Variants in FEM1B observed in about 807,000 individuals in gnomAD.
FEM1B encodes fem-1 homolog B.
A neutral mutation model predicts 38.6 loss-of-function variants in FEM1B; 10 were observed. That is an observed-to-expected ratio of 0.26 (90% CI 0.16 to 0.44). The LOEUF is 0.44. Ranked by LOEUF, FEM1B falls within the 20% of genes least tolerant of loss-of-function variation. The pLI is 1.00. For synonymous variants in FEM1B, 288 were observed against 288.0 expected, an observed-to-expected ratio of 1.00 and a Z score of 0.00; for missense variants, 471 against 786.7, an observed-to-expected ratio of 0.60 and a Z score of 4.80.
At chr15:68,285,902 CTTTCTT>C (rs1474199774) in intron 1 of FEM1B, among the ~76,000 whole-genome samples, 6 of 147,616 alleles carry the variant, frequency 4.1e-5, no homozygotes. Context: ...CCAATAAATA[CTTTCTT>C]TTTCTTTAAC....
Position 68,290,311 on chromosome 15 carries a change from G to A in FEM1B, c.953G>A (p.Arg318Gln), listed in dbSNP as rs776781660. 2.0e-5 allele frequency: 33 copies of A among 1,613,966 alleles called. No individual in the cohort carries two copies. In the East Asian group the frequency reaches 2.9e-4, roughly 14 times the overall value. ...CRNPQELESI[R>Q]QDRDALHMEG... ...AATCCTCAGGAACTGGAGTCCATTCGGCAAGACAGAGATGCTCTTCATATG... is the reference window on the plus strand; with the variant it reads ...AATCCTCAGGAACTGGAGTCCATTCAGCAAGACAGAGATGCTCTTCATATG... The change falls in exon 2 of 2, where the codon CGG becomes CAG. Residue 318 changes from arginine to glutamine, a missense_variant. Arg to Gln is a conservative substitution (Grantham distance 43). Coordinates refer to ENST00000306917, the MANE Select transcript of FEM1B (RefSeq NM_015322.5). The surrounding 1 kb of genome is among the most constrained non-coding windows in gnomAD (Gnocchi z 9.7).
At chr15:68,286,756 AAAT>A (rs1892792306) in intron 1 of FEM1B, among the ~76,000 whole-genome samples, 1 of 152,192 alleles carries the variant, frequency 6.6e-6, no homozygotes, top group South Asian at 2.1e-4. Flanking sequence ...GACAATAAAT[AAAT>A]GTTTATTGAA....
Position 68,278,678 on chromosome 15 carries a change from C to T in FEM1B, c.248+13C>T, listed in dbSNP as rs1892690671. On this transcript the variant is annotated intron_variant, in intron 1 of 1. Transcript: ENST00000306917. This position sits in a 1 kb window ranked among gnomAD's most constrained non-coding sequence, Gnocchi z 5.7. ...TCCGCTTCGACGGGTAGGTACATCC[C>T]AAGCCAGCCTCTCTCCGACGCGCGC... is the stretch of plus-strand genomic sequence containing the variant. The T allele has an allele frequency of 6.2e-7, 1 of 1,611,408 alleles. No homozygotes were observed. Among genetic ancestry groups the T allele is most frequent in the African/African-American group, 1.3e-5 (1 of 74,872 alleles).
rs1892877220 is a variant in FEM1B at position 68,294,111 on chromosome 15, A to G, written c.*2869A>G. The G allele has an allele frequency of 6.6e-6, 1 of 152,226 alleles. No individual in the cohort carries two copies. The highest frequency in any genetic ancestry group is 2.4e-5 in the African/African-American group (1 of 41,466). 9.4% of individuals were successfully genotyped at this position (152,226 alleles called of 1,614,324 possible). The stretch of plus-strand genomic sequence containing the variant: ...TTGATAGAGTTGGCAAAATTGAACT[A>G]TGAAGTTAACTATTTAACTCAAGGA... On this transcript the variant is annotated 3_prime_UTR_variant, in exon 2 of 2. Coordinates refer to ENST00000306917, the MANE Select transcript of FEM1B (RefSeq NM_015322.5). This position sits in a 1 kb window ranked among gnomAD's most constrained non-coding sequence, Gnocchi z 4.4.
Position 68,289,557 on chromosome 15 carries a change from T to G in FEM1B, c.249-50T>G, listed in dbSNP as rs112190675. The G allele has an allele frequency of 2.2e-6, 3 of 1,383,828 alleles. No individual in the cohort carries two copies. In the African/African-American group the frequency reaches 4.3e-5, roughly 20 times the overall value. The allele number at this position is 1,383,828 out of a possible 1,614,324, so 85.7% of individuals were successfully genotyped here. On this transcript the variant is annotated intron_variant, in intron 1 of 1. Transcript: ENST00000306917. This position sits in a 1 kb window ranked among gnomAD's most constrained non-coding sequence, Gnocchi z 6.9. ...GGAGTGAATACATCCCTTAAACATA[T>G]GTTAGGCTGTGGCCTCTGTTATCTA...
rs984307765 is a variant in FEM1B at position 68,284,811 on chromosome 15, G to A, written c.249-4796G>A. 7.9e-5 allele frequency among the ~76,000 whole-genome samples: 12 copies of A among 152,188 alleles called. No individual in the cohort carries two copies. The highest frequency in any genetic ancestry group is 2.9e-4 in the African/African-American group (12 of 41,442). On this transcript the variant is annotated intron_variant, in intron 1 of 1. Transcript: ENST00000306917. The surrounding 1 kb of genome is among the most constrained non-coding windows in gnomAD (Gnocchi z 4.4). ...GGAGGCAACTGAATCATGGAAGCAG[G>A]TCTTTCCCGTGCTGTTCTCTTGATA...
chr15:68,283,676 A>G (rs1374493574), intron 1 of FEM1B, among the ~76,000 whole-genome samples: 1 of 152,058 alleles, frequency 6.6e-6, no homozygotes, highest in Non-Finnish European at 1.5e-5. Context: ...CTGTTTCAAA[A>G]CAAAACAAAA....
chr15:68,278,083 TC>T lies in FEM1B; in HGVS notation c.-332del. The T allele has an allele frequency of 3.9e-6, 1 of 255,106 alleles. No homozygotes were observed. Among genetic ancestry groups the T allele is most frequent in the Middle Eastern group, 1.3e-3 (1 of 786 alleles). 15.8% of individuals were successfully genotyped at this position (255,106 alleles called of 1,614,324 possible). ...GTAGCTCGGGCACGCGCCTGTCGCA[TC>T]CCGCAGGAAGGAGGGGTCCGGCCTG... On this transcript the variant is annotated 5_prime_UTR_variant, in exon 1 of 2. Transcript: ENST00000306917. This position sits in a 1 kb window ranked among gnomAD's most constrained non-coding sequence, Gnocchi z 5.7.
In FEM1B at chr15:68,278,173, G is replaced by C. The variant is rs1892682087; in HGVS notation, c.-245G>C. The C allele has an allele frequency of 2.1e-6, 1 of 465,632 alleles. No individual in the cohort carries two copies. 28.8% of individuals were successfully genotyped at this position (465,632 alleles called of 1,614,324 possible). Reference sequence around the variant, plus strand: ...CCAGGGCCGGCGCCTGGGACCTGGCGGGCGGCCCTGACCGCCTTCCTCCCT... The same window carrying C: ...CCAGGGCCGGCGCCTGGGACCTGGCCGGCGGCCCTGACCGCCTTCCTCCCT... On this transcript the variant is annotated 5_prime_UTR_variant, in exon 1 of 2. Transcript: ENST00000306917. The surrounding 1 kb of genome is among the most constrained non-coding windows in gnomAD (Gnocchi z 5.7).
Position 68,291,562 on chromosome 15 carries a change from A to ATGTT in FEM1B, c.*322_*325dup, listed in dbSNP as rs570585723. On this transcript the variant is annotated 3_prime_UTR_variant, in exon 2 of 2. Transcript: ENST00000306917. This position sits in a 1 kb window ranked among gnomAD's most constrained non-coding sequence, Gnocchi z 6.9. The stretch of plus-strand genomic sequence containing the variant: ...GGACATTTATAATTTCAAGTTGATA[A>ATGTT]TGTTTTAAACAGCTGCTTACAAAAG... 93 of 268,572 alleles carry ATGTT rather than the reference A, an allele frequency of 3.5e-4. 3 individuals carry two copies. In the South Asian group the frequency reaches 0.011, roughly 30 times the overall value. 16.6% of individuals were successfully genotyped at this position (268,572 alleles called of 1,614,324 possible).
chr15:68,286,474 T>TCACACACACA (rs58268546), intron 1 of FEM1B, among the ~76,000 whole-genome samples: 1 of 149,634 alleles, frequency 6.7e-6, no homozygotes, highest in East Asian at 2.0e-4. Context: ...CCTCTTGGAC[T>TCACACACACA]CACACACACA....
rs184318443 is a variant in FEM1B, at chr15:68,278,898, T to G, written c.248+233T>G. On this transcript the variant is annotated intron_variant, in intron 1 of 1. Coordinates refer to ENST00000306917, the MANE Select transcript of FEM1B (RefSeq NM_015322.5). This position sits in a 1 kb window ranked among gnomAD's most constrained non-coding sequence, Gnocchi z 5.7. ...ACCCCTCATTCCCTCTGTGGGAAGA[T>G]AACCACACCCTCGGCCTTGAAATCT... 1.3e-5 allele frequency among the ~76,000 whole-genome samples: 2 copies of G among 152,292 alleles called. No individual in the cohort carries two copies. The highest frequency in any genetic ancestry group is 3.9e-4 in the East Asian group (2 of 5,184).
rs901583380 is a variant in FEM1B, at chr15:68,288,591, G to GT, written c.249-1014dup. ...CTCTAGCAATAGTCTAATTTTGTAT[G>GT]TTAAGTAGTGAATCTAGCACATATC... On this transcript the variant is annotated intron_variant, in intron 1 of 1. Transcript: ENST00000306917. The surrounding 1 kb of genome is among the most constrained non-coding windows in gnomAD (Gnocchi z 4.6). Among the ~76,000 whole-genome samples, 23 of 152,168 alleles carry GT rather than the reference G, an allele frequency of 1.5e-4. No individual in the cohort carries two copies. Among genetic ancestry groups the GT allele is most frequent in the African/African-American group, 5.6e-4 (23 of 41,426 alleles).
chr15:68,295,460 CT>C lies in FEM1B; in HGVS notation c.*4222del, dbSNP rs1892894506. 1.3e-5 allele frequency: 2 copies of C among 152,166 alleles called. No homozygotes were observed. The highest frequency in any genetic ancestry group is 2.9e-5 in the Non-Finnish European group (2 of 68,028). 9.4% of individuals were successfully genotyped at this position (152,166 alleles called of 1,614,324 possible). A position where few individuals can be genotyped will look rare whatever the true frequency, so the allele number is the denominator to read the frequency against. On this transcript the variant is annotated 3_prime_UTR_variant, in exon 2 of 2. Transcript: ENST00000306917. ...AAAGAAACTCAGCTTTCCTCACAGT[CT>C]TTTCAAAGGTACACAGTTGGGGAGT...
In FEM1B at chr15:68,283,125, AT is replaced by A. The variant is rs141136497; in HGVS notation, c.248+4462del. On this transcript the variant is annotated intron_variant, in intron 1 of 1. Transcript: ENST00000306917. ...ATATTAAACTGACCAAGTAGTTTCC[AT>A]TATAAAAACCAAGTGAATACTTGTA... 8.8e-3 allele frequency among the ~76,000 whole-genome samples: 1,333 copies of A among 152,298 alleles called. 15 individuals are homozygous for A. Among genetic ancestry groups the A allele is most frequent in the African/African-American group, 0.03 (1,261 of 41,570 alleles).
intron 1 of FEM1B, among the ~76,000 whole-genome samples, chr15:68,286,030 A>G (rs1346993328): frequency 4.0e-5 from 6 of 150,376 alleles, no homozygotes; most frequent in East Asian, 2.0e-4. Flanking sequence ...TTTTCACACT[A>G]TAGGTCTATA....
intron 1 of FEM1B, among the ~76,000 whole-genome samples, chr15:68,285,521 T>C (rs1237833948): frequency 6.6e-6 from 1 of 152,234 alleles, no homozygotes; most frequent in Non-Finnish European, 1.5e-5. Flanking sequence ...CACATCTTGC[T>C]CAACACTTAT....
rs1448805019 is a variant in FEM1B at position 68,292,526 on chromosome 15, T to A, written c.*1284T>A. Reference sequence around the variant, plus strand: ...AAAGTTATATGCTTATTTCTATTGATGTTAAAAATGATAATGAAAGCAAAA... The same window carrying A: ...AAAGTTATATGCTTATTTCTATTGAAGTTAAAAATGATAATGAAAGCAAAA... On this transcript the variant is annotated 3_prime_UTR_variant, in exon 2 of 2. Coordinates refer to ENST00000306917, the MANE Select transcript of FEM1B (RefSeq NM_015322.5). 6.6e-6 allele frequency: 1 copy of A among 152,142 alleles called. No homozygotes were observed. The highest frequency in any genetic ancestry group is 1.5e-5 in the Non-Finnish European group (1 of 67,988). 9.4% of individuals were successfully genotyped at this position (152,142 alleles called of 1,614,324 possible).
At chr15:68,285,773 G>A (rs1892777738) in intron 1 of FEM1B, among the ~76,000 whole-genome samples, 1 of 151,260 alleles carries the variant, frequency 6.6e-6, no homozygotes, top group Non-Finnish European at 1.5e-5. Context: ...GGTTCAAACA[G>A]TCCTCTTCTT....
Sources: allele counts gnomAD v4.1 joint callset (sites outside exome capture counted in the v4.1 genomes callset), GRCh38; gene constraint gnomAD v4.1.1; non-coding constraint Gnocchi (gnomAD v3.1); transcripts MANE v1.5; gene names NCBI Gene and HGNC (gene_info 2026-07-23, HGNC 2026-07-21).